The following MEGF11 variants were observed in gnomAD, a reference collection of about 807,000 sequenced individuals.
MEGF11 encodes multiple EGF like domains 11.
A neutral mutation model predicts 146.6 loss-of-function variants in MEGF11; 126 were observed. That is an observed-to-expected ratio of 0.86 (90% confidence interval 0.74 to 1.00). MEGF11 has a LOEUF of 1.00. Among genes scored for constraint, MEGF11 ranks in the 50% least tolerant of loss-of-function variants. MEGF11 has a pLI of 0.00. For missense variants in MEGF11, 1,509 were observed against 1,521.2 expected, an observed-to-expected ratio of 0.99 and a Z score of 0.13; for synonymous variants, 532 against 583.4, an observed-to-expected ratio of 0.91 and a Z score of 1.27.
chr15:65,995,444 C>T (rs887674028), intron 5 of MEGF11, among the ~76,000 whole-genome samples: 2 of 152,246 alleles, frequency 1.3e-5, no homozygotes, highest in Admixed American at 6.5e-5. Flanking sequence ...CAACCATGTG[C>T]GTGGCTGTGA....
chr15:65,964,678 G>T lies in MEGF11; in HGVS notation c.1112+230C>A, dbSNP rs534565471. 9.6e-4 allele frequency among the ~76,000 whole-genome samples: 146 copies of T among 152,324 alleles called. 1 individual carries two copies. The highest frequency in any genetic ancestry group is 3.4e-3 in the African/African-American group (142 of 41,578). On this transcript the variant is annotated intron_variant, in intron 9 of 25. Transcript: ENST00000395614. ...ATTTGGAAATGCAGGTAGCCAGGTG[G>T]GGTGGACAGAGGTGAGTGATCTGGC...
intron 4 of MEGF11, among the ~76,000 whole-genome samples, chr15:66,111,897 G>T (rs966032254): frequency 1.3e-5 from 2 of 152,040 alleles, no homozygotes; most frequent in East Asian, 3.8e-4. Context: ...TCAATTAAGA[G>T]AAAAAACACC....
chr15:65,902,811 A>T (rs898236663), intron 24 of MEGF11, among the ~76,000 whole-genome samples: 1 of 152,212 alleles, frequency 6.6e-6, no homozygotes. Context: ...TGTCAGAGAC[A>T]GAGGGGGCTT....
chr15:66,009,439 A>G (rs756817201), intron 5 of MEGF11, among the ~76,000 whole-genome samples: 1 of 152,022 alleles, frequency 6.6e-6, no homozygotes, highest in African/African-American at 2.4e-5. Context: ...GCTGACTCAC[A>G]TCTATGACTC....
chr15:66,237,168 C>A (rs759056760), intron 1 of MEGF11, among the ~76,000 whole-genome samples: 7 of 152,170 alleles, frequency 4.6e-5, no homozygotes, highest in Non-Finnish European at 8.8e-5. Flanking sequence ...CCAAGTCCAG[C>A]GCTCTCGTGA....
chr15:66,074,623 G>T (rs1487461367), intron 5 of MEGF11, among the ~76,000 whole-genome samples: 1 of 152,150 alleles, frequency 6.6e-6, no homozygotes, highest in Non-Finnish European at 1.5e-5. Flanking sequence ...GTATGTGCTG[G>T]GACATGACAT....
At chr15:66,232,532 G>GCTCTAAAATCCTAGCTCTCTC (rs1321202206) in intron 1 of MEGF11, among the ~76,000 whole-genome samples, 5 of 152,122 alleles carry the variant, frequency 3.3e-5, no homozygotes, top group South Asian at 2.1e-4. Context: ...TTAAATCCTA[G>GCTCTAAAATCCTAGCTCTCTC]CTCTAAAATC....
intron 10 of MEGF11, among the ~76,000 whole-genome samples, chr15:65,948,700 A>G (rs942007962): frequency 6.6e-6 from 1 of 152,258 alleles, no homozygotes; most frequent in African/African-American, 2.4e-5. Context: ...AATCCTCAGA[A>G]TAACACTACA....
At chr15:65,960,452 C>T (rs1213016460) in intron 9 of MEGF11, among the ~76,000 whole-genome samples, 4 of 152,234 alleles carry the variant, frequency 2.6e-5, no homozygotes, top group African/African-American at 9.6e-5. Context: ...GGAAGGCGTG[C>T]CCCTTGGTGG....
At chr15:66,110,508 T>C (rs2087338928) in intron 4 of MEGF11, among the ~76,000 whole-genome samples, 1 of 152,210 alleles carries the variant, frequency 6.6e-6, no homozygotes, top group South Asian at 2.1e-4. Context: ...ATTTAAACTG[T>C]GCTTATCCTT....
At chr15:66,058,713 C>T (rs1182760521) in intron 5 of MEGF11, among the ~76,000 whole-genome samples, 1 of 152,160 alleles carries the variant, frequency 6.6e-6, no homozygotes, top group African/African-American at 2.4e-5. Context: ...ATGCTATCCT[C>T]CCTCTTCGGG....
chr15:66,021,991 T>C (rs2140179450), intron 5 of MEGF11, among the ~76,000 whole-genome samples: 1 of 152,296 alleles, frequency 6.6e-6, no homozygotes, highest in Non-Finnish European at 1.5e-5. Flanking sequence ...AGCCATGTGA[T>C]GCCTCTTGGG....
At chr15:65,969,481 A>G (rs1015379788) in intron 8 of MEGF11, among the ~76,000 whole-genome samples, 1 of 152,202 alleles carries the variant, frequency 6.6e-6, no homozygotes, top group African/African-American at 2.4e-5. Flanking sequence ...GTGTTGATGA[A>G]CACTGGCTCA....
intron 1 of MEGF11, among the ~76,000 whole-genome samples, chr15:66,225,580 A>G (rs1342192383): frequency 6.6e-6 from 1 of 152,220 alleles, no homozygotes; most frequent in African/African-American, 2.4e-5. Flanking sequence ...CATCTGGCAG[A>G]CACACTCACA....
At chr15:66,060,498 G>A (rs968718082) in intron 5 of MEGF11, among the ~76,000 whole-genome samples, 2 of 152,200 alleles carry the variant, frequency 1.3e-5, no homozygotes, top group East Asian at 1.9e-4. Flanking sequence ...AGAAGCCTCC[G>A]AGGGATGTAG....
intron 1 of MEGF11, among the ~76,000 whole-genome samples, chr15:66,171,778 C>T (rs533200741): frequency 6.6e-6 from 1 of 151,910 alleles, no homozygotes; most frequent in Admixed American, 6.6e-5. Context: ...TCCCCCCACC[C>T]CCAGCGCTCA....
chr15:66,024,368 A>C (rs538585911), intron 5 of MEGF11, among the ~76,000 whole-genome samples: 1 of 152,320 alleles, frequency 6.6e-6, no homozygotes, highest in South Asian at 2.1e-4. Flanking sequence ...CAAGTCTGGG[A>C]GGTGGGGATG....
chr15:65,920,342 G>C (rs754400380), intron 15 of MEGF11, among the ~76,000 whole-genome samples: 1 of 152,192 alleles, frequency 6.6e-6, no homozygotes, highest in Admixed American at 6.5e-5. Flanking sequence ...TGCAGCTCAG[G>C]CTCCAGCTTT....
At chr15:66,126,424 T>A (rs1470990848) in intron 2 of MEGF11, among the ~76,000 whole-genome samples, 1 of 152,244 alleles carries the variant, frequency 6.6e-6, no homozygotes, top group Non-Finnish European at 1.5e-5. Flanking sequence ...TAACCCTGGC[T>A]GATAGCCTAA....
Sources: gnomAD v4.1 joint callset for allele counts (sites outside exome capture counted in the v4.1 genomes callset) on GRCh38, gnomAD v4.1.1 for gene constraint, MANE v1.5 for transcripts, NCBI Gene and HGNC (gene_info 2026-07-23, HGNC 2026-07-21) for gene names.